The following SH3TC2 variants were observed in gnomAD, a reference collection of about 807,000 sequenced individuals.
The protein encoded by SH3TC2 is SH3 domain and tetratricopeptide repeats 2.
SH3TC2 carries 87 observed loss-of-function variants against 124.5 expected under a neutral mutation model. The ratio of observed to expected loss-of-function variants is 0.70; its 90% CI spans 0.59 to 0.84. The LOEUF is 0.84. SH3TC2 is among the 40% of genes least tolerant of loss of function. SH3TC2 has a pLI of 0.00. For synonymous variants in SH3TC2, 634 were observed against 628.5 expected (o/e 1.01, Z -0.13); for missense variants, 1,536 against 1,566.4 (o/e 0.98, Z 0.33).
Position 148,994,726 on chromosome 5 carries a change from G to GGATGGATGGATGGATGAATA in SH3TC2, c.*9984_*9985insTATTCATCCATCCATCCATC, listed in dbSNP as rs1753479426. The stretch of plus-strand genomic sequence containing the variant: ...TGGATGGATGGATGGATGGATGGAT[G>GGATGGATGGATGGATGAATA]GATGGATGGATGAATAGATGGATGA... On this transcript the variant is annotated 3_prime_UTR_variant, in exon 17 of 17. Transcript: ENST00000515425. Among the ~76,000 whole-genome samples, 1 of 151,782 alleles carries GGATGGATGGATGGATGAATA rather than the reference G, an allele frequency of 6.6e-6. No homozygotes were observed. The highest frequency in any genetic ancestry group is 1.9e-4 in the East Asian group (1 of 5,186).
rs1753428119 is a variant in SH3TC2 at position 148,992,073 on chromosome 5, A to G, written c.*12638T>C. ...CCCACCAGCTGCCACTTTGTATGACATAAAATTATCAGAACATGAATTCAA... is the reference window on the plus strand; with the variant it reads ...CCCACCAGCTGCCACTTTGTATGACGTAAAATTATCAGAACATGAATTCAA... On this transcript the variant is annotated 3_prime_UTR_variant, in exon 17 of 17. Coordinates refer to ENST00000515425, the MANE Select transcript of SH3TC2 (RefSeq NM_024577.4). Among the ~76,000 whole-genome samples, 1 of 152,240 alleles carries G rather than the reference A, an allele frequency of 6.6e-6. No individual in the cohort carries two copies. Among genetic ancestry groups the G allele is most frequent in the African/African-American group, 2.4e-5 (1 of 41,460 alleles).
chr5:149,041,546 A>G lies in SH3TC2; in HGVS notation c.601T>C (p.Cys201Arg). The G allele has an allele frequency of 6.2e-7, 1 of 1,614,194 alleles. No homozygotes were observed. Among genetic ancestry groups the G allele is most frequent in the Non-Finnish European group, 8.5e-7 (1 of 1,180,034 alleles). The change falls in exon 6 of 17, where the codon TGC becomes CGC. Residue 201 changes from cysteine to arginine, a missense_variant. Transcript: ENST00000515425. The part of the protein sequence containing the change: ...AEKEGECLTL[C>R]KNELISVKMA... ...TTCACTGAGATTAACTCATTCTTGC[A>G]AAGTGTCAAGCATTCCCCTTCCTTC...
Position 148,994,033 on chromosome 5 carries a change from C to T in SH3TC2, c.*10678G>A, listed in dbSNP as rs1372704702. Among the ~76,000 whole-genome samples, 1 of 152,210 alleles carries T rather than the reference C, an allele frequency of 6.6e-6. No individual in the cohort carries two copies. The highest frequency in any genetic ancestry group is 1.5e-5 in the Non-Finnish European group (1 of 68,036). The stretch of plus-strand genomic sequence containing the variant: ...ACATGAAGCACCAAGAGCTTAACAA[C>T]TTGCCTGAGGTCACACATTTCATAA... On this transcript the variant is annotated 3_prime_UTR_variant, in exon 17 of 17. Transcript: ENST00000515425.
chr5:149,014,861 T>G lies in SH3TC2; in HGVS notation c.3054-2127A>C, dbSNP rs10072287. On this transcript the variant is annotated intron_variant, in intron 12 of 16. Coordinates refer to ENST00000515425, the MANE Select transcript of SH3TC2 (RefSeq NM_024577.4). ...ATTCAGCAGGCCTGGCCTCCACAAC[T>G]CTCCTCACTCTCACTAGAGCAGTTG... is the stretch of plus-strand genomic sequence containing the variant. Among the ~76,000 whole-genome samples the G allele has an allele frequency of 6.9e-3, 1,046 of 152,226 alleles. 13 individuals carry two copies. The highest frequency in any genetic ancestry group is 0.024 in the African/African-American group (991 of 41,546).
At chr5:149,016,760 C>T (rs544260466) in intron 12 of SH3TC2, among the ~76,000 whole-genome samples, 3 of 151,924 alleles carry the variant, frequency 2.0e-5, no homozygotes, top group South Asian at 2.1e-4. Context: ...CCCGTCTCTA[C>T]TAAAAATACA....
intron 4 of SH3TC2, 71 bp downstream of exon 4, chr5:149,044,462 T>G (rs1754423911): frequency 1.7e-6 from 2 of 1,177,114 alleles, no homozygotes; most frequent in Admixed American, 3.4e-5. Context: ...GCCAATTCCT[T>G]CATGTCAAGC....
In SH3TC2 at chr5:149,008,873, G is replaced by A. The variant is rs530810802; in HGVS notation, c.3456C>T (p.Ala1152=). The A allele has an allele frequency of 9.2e-5, 149 of 1,614,120 alleles. 1 individual carries two copies. In the Admixed American group the frequency reaches 2.2e-3, roughly 24 times the overall value. ...YEKALEFATL[A]ARLSTVTGDQ... ...CACCTGTGACTGTGCTGAGCCTGGC[G>A]GCCAGGGTGGCAAATTCCAAAGCCT... Residue 1152 remains alanine, a synonymous_variant, in exon 15 of 17, where the codon GCC becomes GCT. Transcript: ENST00000515425.
At position 148,992,058 on chromosome 5, in the gene SH3TC2, G is replaced by T. The variant is rs886060121; in HGVS notation, c.*12653C>A. 2.0e-5 allele frequency among the ~76,000 whole-genome samples: 3 copies of T among 152,210 alleles called. No homozygotes were observed. The highest frequency in any genetic ancestry group is 1.3e-4 in the Admixed American group (2 of 15,284). Reference sequence around the variant, plus strand: ...AGAGGGTCTCCAAAGCCCACCAGCTGCCACTTTGTATGACATAAAATTATC... The same window carrying T: ...AGAGGGTCTCCAAAGCCCACCAGCTTCCACTTTGTATGACATAAAATTATC... On this transcript the variant is annotated 3_prime_UTR_variant, in exon 17 of 17. Coordinates refer to ENST00000515425, the MANE Select transcript of SH3TC2 (RefSeq NM_024577.4).
rs1263786525 is a variant in SH3TC2 at position 149,001,850 on chromosome 5, G to C, written c.*2861C>G. The C allele has an allele frequency of 6.6e-5, 10 of 152,144 alleles. No homozygotes were observed. The highest frequency in any genetic ancestry group is 5.9e-4 in the Admixed American group (9 of 15,276). The allele number at this position is 152,144 out of a possible 1,614,324, so 9.4% of individuals were successfully genotyped here. Reference sequence around the variant, plus strand: ...GAGATGTAACATGGATAGAAACAACGCTCTTCACGTATGTGTGTGTATGTG... The same window carrying C: ...GAGATGTAACATGGATAGAAACAACCCTCTTCACGTATGTGTGTGTATGTG... On this transcript the variant is annotated 3_prime_UTR_variant, in exon 17 of 17. Coordinates refer to ENST00000515425, the MANE Select transcript of SH3TC2 (RefSeq NM_024577.4).
intron 2 of SH3TC2, among the ~76,000 whole-genome samples, chr5:149,051,596 C>T (rs1046900709): frequency 6.6e-6 from 1 of 152,124 alleles, no homozygotes; most frequent in Admixed American, 6.5e-5. Context: ...GGACTGCAAG[C>T]ATATGCCACT....
intron 4 of SH3TC2, among the ~76,000 whole-genome samples, 192 bp from the exon 5 acceptor site, chr5:149,043,029 T>A (rs1262413744): frequency 6.6e-6 from 1 of 152,236 alleles, no homozygotes; most frequent in African/African-American, 2.4e-5. Context: ...CTTCTCAACA[T>A]CTATTGGGAA....
rs759009680 is a variant in SH3TC2, at chr5:149,028,546, G to A, written c.1186C>T (p.Pro396Ser). ...GGCCTGACCTCCTTGAAACCTTCAG[G>A]CTGGGATGCTGTAAGGACAGGCAAA... is the stretch of plus-strand genomic sequence containing the variant. ...NPPNDLSASQPEGFKEVRPGR... is the reference protein window; with the variant it reads ...NPPNDLSASQSEGFKEVRPGR... The change falls in exon 11 of 17, where the codon CCT becomes TCT. Residue 396 changes from proline (P) to serine (S), a missense_variant. By Grantham distance (74) the Pro-to-Ser change is moderately conservative. This residue lies in a region of SH3TC2 where 1,102 missense variants were observed against 1,098.6 expected (regional missense o/e 1.00). Transcript: ENST00000515425. 5 of 1,614,030 alleles carry A rather than the reference G, an allele frequency of 3.1e-6. No homozygotes were observed. The highest frequency in any genetic ancestry group is 1.6e-4 in the Middle Eastern group (1 of 6,082).
At chr5:149,041,330 C>T in intron 6 of SH3TC2, 86 bp downstream of exon 6, 1 of 1,379,692 alleles carries the variant, frequency 7.2e-7, no homozygotes, top group South Asian at 1.2e-5. Flanking sequence ...ACTATGGATG[C>T]CCATATCTGA....
chr5:149,007,295 CAT>C, intron 15 of SH3TC2: 1 of 641,538 alleles, frequency 1.6e-6, no homozygotes, highest in Non-Finnish European at 2.8e-6. Flanking sequence ...TAACATTACA[CAT>C]GTCATAAATG....
intron 13 of SH3TC2, among the ~76,000 whole-genome samples, chr5:149,011,167 T>C (rs1753776949): frequency 6.6e-6 from 1 of 152,224 alleles, no homozygotes; most frequent in Non-Finnish European, 1.5e-5. Context: ...GAATTGACCC[T>C]GCACAACATC....
intron 5 of SH3TC2, 86 bp downstream of exon 5, chr5:149,042,608 C>G: frequency 6.5e-7 from 1 of 1,539,086 alleles, no homozygotes; most frequent in Non-Finnish European, 9.0e-7. Flanking sequence ...AATGATTTTT[C>G]CCTCCCTTTG....
At chr5:149,037,234 T>C (rs1353751173) in intron 8 of SH3TC2, among the ~76,000 whole-genome samples, 1 of 152,218 alleles carries the variant, frequency 6.6e-6, no homozygotes, top group African/African-American at 2.4e-5. Context: ...TCTGTTGAAA[T>C]ATTTTACATT....
Position 148,998,252 on chromosome 5 carries a change from C to CATAA in SH3TC2, c.*6455_*6458dup, listed in dbSNP as rs1753542739. 6.6e-6 allele frequency among the ~76,000 whole-genome samples: 1 copy of CATAA among 152,130 alleles called. No homozygotes were observed. Among genetic ancestry groups the CATAA allele is most frequent in the Admixed American group, 6.5e-5 (1 of 15,268 alleles). On this transcript the variant is annotated 3_prime_UTR_variant, in exon 17 of 17. Transcript: ENST00000515425. ...TTACTGTGGGCCACAACAACAACAA[C>CATAA]ATAACAACAAAAAAGGATTTGACAG...
Position 149,027,671 on chromosome 5 carries a change from G to A in SH3TC2, c.2061C>T (p.His687=). ...SFLYDKKYLP[H]LAVASVQQHG... is the part of the protein sequence containing the mutation. ...GTTGCTGGACAGAGGCCACTGCAAG[G>A]TGTGGAAGATATTTCTTGTCATACA... The change falls in exon 11 of 17, where the codon CAC becomes CAT. Residue 687 remains histidine, a synonymous_variant. Coordinates refer to ENST00000515425, the MANE Select transcript of SH3TC2 (RefSeq NM_024577.4). 1 of 1,614,226 alleles carries A rather than the reference G, an allele frequency of 6.2e-7. No homozygotes were observed. Among genetic ancestry groups the A allele is most frequent in the Non-Finnish European group, 8.5e-7 (1 of 1,180,020 alleles).
Sources: allele counts gnomAD v4.1 joint callset (sites outside exome capture counted in the v4.1 genomes callset), GRCh38; gene constraint gnomAD v4.1.1; regional missense constraint gnomAD v4.1.1; transcripts MANE v1.5; gene names NCBI Gene and HGNC (gene_info 2026-07-23, HGNC 2026-07-21).